THTPA: variants seen among roughly 807,000 people sequenced by gnomAD.
THTPA encodes thiamine triphosphatase.
In THTPA, 16 loss-of-function variants were observed where a neutral mutation model predicts 16.5. That is an observed-to-expected ratio of 0.97 (90% CI 0.66 to 1.47). The LOEUF is 1.47. Ranked by LOEUF, THTPA falls within the 40% of genes most tolerant of loss-of-function variation. THTPA has a pLI of 0.00. For missense variants in THTPA, 281 were observed against 280.9 expected, an observed-to-expected ratio of 1.00 and a Z score of 0.00; for synonymous variants, 110 against 115.5, an observed-to-expected ratio of 0.95 and a Z score of 0.30.
the THTPA span, chr14:23,525,512 C>G: frequency 6.5e-7 from 1 of 1,535,752 alleles, no homozygotes; most frequent in Non-Finnish European, 8.7e-7. This position sits in a 1 kb window ranked among gnomAD's most constrained non-coding sequence, Gnocchi z 5.9. Context: ...CAGCTTGTCC[C>G]CACCCCCGAG....
At chr14:23,522,605 G>T in the THTPA span, 1 of 1,531,414 alleles carries the variant, frequency 6.5e-7, no homozygotes, top group Non-Finnish European at 8.7e-7. Context: ...AAAGACAGCT[G>T]GCGGTGCTGT....
chr14:23,521,993 G>A, the THTPA span: 3 of 1,536,410 alleles, frequency 2.0e-6, no homozygotes, highest in East Asian at 2.4e-5. Flanking sequence ...GGTAGTCGTA[G>A]TTTTTGGGTT....
intron 1 of THTPA, among the ~76,000 whole-genome samples, chr14:23,558,373 G>T (rs1882793781): frequency 6.6e-6 from 1 of 152,232 alleles, no homozygotes; most frequent in African/African-American, 2.4e-5. Flanking sequence ...GCGGAACAGG[G>T]TAATAACTGA....
the THTPA span, chr14:23,531,780 AC>A: frequency 7.9e-7 from 1 of 1,265,414 alleles, no homozygotes; most frequent in Admixed American, 3.9e-5. Flanking sequence ...ACCTCAGGGG[AC>A]TTTTTTTTTT....
At chr14:23,534,631 T>A in the THTPA span, 1 of 1,536,166 alleles carries the variant, frequency 6.5e-7, no homozygotes, top group Non-Finnish European at 8.7e-7. This position sits in a 1 kb window ranked among gnomAD's most constrained non-coding sequence, Gnocchi z 4.5. Flanking sequence ...GACCGCCACG[T>A]GGTTGCCCCC....
chr14:23,523,067 T>A, the THTPA span: 1 of 1,401,098 alleles, frequency 7.1e-7, no homozygotes, highest in Non-Finnish European at 9.2e-7. The surrounding 1 kb of genome is among the most constrained non-coding windows in gnomAD (Gnocchi z 4.1). Context: ...TTCCCTCCCT[T>A]CTTTCCCCCA....
chr14:23,529,053 G>GT, the THTPA span, among the ~76,000 whole-genome samples: 1 of 152,282 alleles, frequency 6.6e-6, no homozygotes, highest in Admixed American at 6.5e-5. Context: ...CAGTAATGCA[G>GT]TAACACTGCG....
rs1883496206 is a variant in THTPA at position 23,560,200 on chromosome 14, G to C, written c.*1360G>C. 1.9e-6 allele frequency: 3 copies of C among 1,592,500 alleles called. No homozygotes were observed. The highest frequency in any genetic ancestry group is 2.6e-6 in the Non-Finnish European group (3 of 1,165,220). On this transcript the variant is annotated 3_prime_UTR_variant, in exon 2 of 2. Coordinates refer to ENST00000288014, the MANE Select transcript of THTPA (RefSeq NM_024328.6). ...GTCTCCCACCCACCTCCTCCACTTA[G>C]TGGCCTTTTCTCCTGGAGTCCCCAG... is the stretch of plus-strand genomic sequence containing the variant.
the THTPA span, chr14:23,524,083 G>C: frequency 2.3e-3 from 3,558 of 1,527,576 alleles, 66 homozygotes; most frequent in African/African-American, 0.041. This position sits in a 1 kb window ranked among gnomAD's most constrained non-coding sequence, Gnocchi z 5.6. Context: ...CCCTCCCAGT[G>C]CCATCATCTA....
the THTPA span, chr14:23,527,626 C>G: frequency 1.3e-6 from 2 of 1,536,502 alleles, no homozygotes; most frequent in Non-Finnish European, 1.7e-6. Flanking sequence ...CTTCTCAACG[C>G]ACTCGGGCAC....
chr14:23,528,526 C>G, the THTPA span: 1 of 877,600 alleles, frequency 1.1e-6, no homozygotes, highest in Non-Finnish European at 1.4e-6. Flanking sequence ...CGTGTCTTCT[C>G]TGTGAAATGG....
the THTPA span, among the ~76,000 whole-genome samples, chr14:23,519,473 T>G: frequency 6.6e-6 from 1 of 151,850 alleles, no homozygotes. Context: ...GAGAGAGGGG[T>G]ACAAGAGAGG....
At chr14:23,540,539 G>A in the THTPA span, among the ~76,000 whole-genome samples, 2 of 152,158 alleles carry the variant, frequency 1.3e-5, no homozygotes, top group African/African-American at 4.8e-5. Flanking sequence ...CTAGTATGGA[G>A]GATTGTTTGG....
the THTPA span, chr14:23,523,729 C>G: frequency 3.3e-6 from 5 of 1,536,374 alleles, no homozygotes; most frequent in Non-Finnish European, 4.4e-6. The surrounding 1 kb of genome is among the most constrained non-coding windows in gnomAD (Gnocchi z 4.1). Flanking sequence ...GGCTGCTCAT[C>G]TGGGTCCTGT....
chr14:23,524,558 G>A, the THTPA span: 11 of 1,532,278 alleles, frequency 7.2e-6, no homozygotes, highest in Admixed American at 9.8e-5. This position sits in a 1 kb window ranked among gnomAD's most constrained non-coding sequence, Gnocchi z 5.6. Flanking sequence ...GGGCTGCAGA[G>A]ATGGCAGGAA....
At chr14:23,530,725 A>T in the THTPA span, 22 of 311,252 alleles carry the variant, frequency 7.1e-5, no homozygotes, top group Non-Finnish European at 1.1e-4. Flanking sequence ...CTGCGCCAGG[A>T]TCGTTAGCTA....
At chr14:23,546,644 A>G in the THTPA span, among the ~76,000 whole-genome samples, 39 of 152,240 alleles carry the variant, frequency 2.6e-4, no homozygotes, top group African/African-American at 7.5e-4. The surrounding 1 kb of genome is among the most constrained non-coding windows in gnomAD (Gnocchi z 4.7). Flanking sequence ...GCAGTTCCCT[A>G]GGACTTTCCC....
At chr14:23,533,366 G>A in the THTPA span, 1 of 1,446,630 alleles carries the variant, frequency 6.9e-7, no homozygotes, top group East Asian at 2.5e-5. The surrounding 1 kb of genome is among the most constrained non-coding windows in gnomAD (Gnocchi z 4.8). Context: ...GGCTTGTCTG[G>A]CCTCAGCCCC....
chr14:23,517,755 C>T, the THTPA span, among the ~76,000 whole-genome samples: 3 of 152,044 alleles, frequency 2.0e-5, no homozygotes, highest in African/African-American at 7.3e-5. Flanking sequence ...CAACCATGTG[C>T]GTGCCCCCAC....
Sources: gnomAD v4.1 joint callset for allele counts (sites outside exome capture counted in the v4.1 genomes callset) on GRCh38, gnomAD v4.1.1 for gene constraint, Gnocchi (gnomAD v3.1) non-coding constraint, MANE v1.5 for transcripts, NCBI Gene and HGNC (gene_info 2026-07-23, HGNC 2026-07-21) for gene names.